KCTD16: variants seen among roughly 807,000 people sequenced by gnomAD.
KCTD16 encodes potassium channel tetramerization domain containing 16.
A neutral mutation model predicts 33.2 loss-of-function variants in KCTD16; 13 were observed. That is an observed-to-expected ratio of 0.39 (90% confidence interval 0.25 to 0.62). KCTD16 has a LOEUF of 0.62. KCTD16 is among the 20% of genes least tolerant of loss of function. KCTD16 has a pLI of 0.50. For missense variants in KCTD16, 441 were observed against 525.1 expected, an observed-to-expected ratio of 0.84 and a Z score of 1.57; for synonymous variants, 197 against 195.3, an observed-to-expected ratio of 1.01 and a Z score of -0.07.
intron 2 of KCTD16, among the ~76,000 whole-genome samples, chr5:144,191,389 C>G (rs10054856): frequency 0.047 from 7,089 of 152,204 alleles, 475 homozygotes; most frequent in African/African-American, 0.15. Flanking sequence ...GCCTTTTGCT[C>G]CAGCCAAACT....
At chr5:144,301,778 A>T (rs1329419978) in intron 3 of KCTD16, among the ~76,000 whole-genome samples, 2 of 152,338 alleles carry the variant, frequency 1.3e-5, no homozygotes, top group African/African-American at 2.4e-5. Context: ...CAGTTTGCCC[A>T]TCCAAAATCT....
chr5:144,352,372 G>T (rs1751466275), intron 3 of KCTD16, among the ~76,000 whole-genome samples: 2 of 152,154 alleles, frequency 1.3e-5, no homozygotes, highest in South Asian at 4.1e-4. Flanking sequence ...ACGAAGTGGG[G>T]ATGTACTGGC....
chr5:144,419,027 C>G (rs943944664), intron 3 of KCTD16, among the ~76,000 whole-genome samples: 2 of 152,136 alleles, frequency 1.3e-5, no homozygotes, highest in African/African-American at 4.8e-5. Context: ...TATCTTGTTT[C>G]TCATTGCTAT....
At chr5:144,352,353 A>G (rs1410801865) in intron 3 of KCTD16, among the ~76,000 whole-genome samples, 2 of 152,188 alleles carry the variant, frequency 1.3e-5, no homozygotes, top group East Asian at 3.8e-4. Flanking sequence ...AGGTTCATTC[A>G]TATTGAATAC....
In KCTD16 at chr5:144,249,731, G is replaced by A. The variant is rs185041346; in HGVS notation, c.832+42185G>A. 1.9e-4 allele frequency among the ~76,000 whole-genome samples: 29 copies of A among 152,216 alleles called. No homozygotes were observed. In the East Asian group the frequency reaches 4.6e-3, roughly 24 times the overall value. On this transcript the variant is annotated intron_variant, in intron 3 of 3. Transcript: ENST00000512467. Reference sequence around the variant, plus strand: ...TAACAATACAAGATCAATAGGTCAGGCTATCCGTATTTTATATATGAAAAT... The same window carrying A: ...TAACAATACAAGATCAATAGGTCAGACTATCCGTATTTTATATATGAAAAT...
intron 3 of KCTD16, among the ~76,000 whole-genome samples, chr5:144,219,147 A>G (rs1459502413): frequency 2.6e-5 from 4 of 152,212 alleles, no homozygotes; most frequent in Admixed American, 1.3e-4. Flanking sequence ...AGCCAAGGTC[A>G]TGCCACCTTG....
In KCTD16 at chr5:144,301,057, A is replaced by G. The variant is rs564775418; in HGVS notation, c.832+93511A>G. On this transcript the variant is annotated intron_variant, in intron 3 of 3. Transcript: ENST00000512467. ...AGAGATCGAGACCATCCAGGCCAAC[A>G]CGGTGAAACCCCGTCTCTACTAAAA... Among the ~76,000 whole-genome samples, 3 of 152,058 alleles carry G rather than the reference A, an allele frequency of 2.0e-5. No homozygotes were observed. The South Asian group carries it at 6.2e-4, about 32-fold the overall frequency.
chr5:144,323,326 G>C (rs528626895), intron 3 of KCTD16, among the ~76,000 whole-genome samples: 1 of 152,144 alleles, frequency 6.6e-6, no homozygotes, highest in South Asian at 2.1e-4. Flanking sequence ...GTAAGTCTGG[G>C]TTCTCCAAGA....
At chr5:144,377,673 T>C (rs1752122917) in intron 3 of KCTD16, 1 of 152,146 alleles carries the variant, frequency 6.6e-6, no homozygotes, top group Admixed American at 6.6e-5. Context: ...TATTTAAAAA[T>C]CCATCAGCCA....
At chr5:144,352,905 A>G (rs1751478006) in intron 3 of KCTD16, among the ~76,000 whole-genome samples, 1 of 152,206 alleles carries the variant, frequency 6.6e-6, no homozygotes, top group Non-Finnish European at 1.5e-5. Context: ...TCACTTCTGA[A>G]GCCAACAAGC....
chr5:144,203,933 T>C (rs1300595474), intron 2 of KCTD16, among the ~76,000 whole-genome samples: 1 of 152,202 alleles, frequency 6.6e-6, no homozygotes, highest in East Asian at 1.9e-4. Context: ...GGGCACTAGA[T>C]GGCGATATAA....
At chr5:144,290,425 C>A (rs1755864185) in intron 3 of KCTD16, among the ~76,000 whole-genome samples, 1 of 152,142 alleles carries the variant, frequency 6.6e-6, no homozygotes, top group South Asian at 2.1e-4. Context: ...TAAAATTATT[C>A]TTTTTGTATT....
chr5:144,178,687 A>C (rs1160487255), intron 2 of KCTD16, among the ~76,000 whole-genome samples: 1 of 152,226 alleles, frequency 6.6e-6, no homozygotes, highest in Non-Finnish European at 1.5e-5. Context: ...CTAAGATGTT[A>C]TTTTGGAAAG....
At chr5:144,202,127 G>T (rs752825218) in intron 2 of KCTD16, among the ~76,000 whole-genome samples, 1 of 152,190 alleles carries the variant, frequency 6.6e-6, no homozygotes, top group Non-Finnish European at 1.5e-5. Flanking sequence ...ACAGGATGGA[G>T]CATTCTTCCT....
intron 3 of KCTD16, among the ~76,000 whole-genome samples, chr5:144,221,701 A>T (rs577581702): frequency 6.6e-6 from 1 of 152,264 alleles, no homozygotes; most frequent in African/African-American, 2.4e-5. Context: ...AGTCTTTGCT[A>T]TTGTGAACGG....
At chr5:144,425,747 G>A (rs895874643) in intron 3 of KCTD16, among the ~76,000 whole-genome samples, 2 of 152,014 alleles carry the variant, frequency 1.3e-5, no homozygotes, top group Admixed American at 1.3e-4. Flanking sequence ...AAGGAACAGA[G>A]TCCCAAGGAA....
At chr5:144,213,569 T>C (rs1753467612) in intron 3 of KCTD16, among the ~76,000 whole-genome samples, 1 of 152,194 alleles carries the variant, frequency 6.6e-6, no homozygotes, top group African/African-American at 2.4e-5. Flanking sequence ...CTTATGTTTT[T>C]GGTAAGCTCG....
Position 144,189,002 on chromosome 5 carries a change from C to A in KCTD16, c.-327+14530C>A, listed in dbSNP as rs556081519. 6.6e-4 allele frequency among the ~76,000 whole-genome samples: 101 copies of A among 152,228 alleles called. 3 individuals carry two copies. The highest frequency in any genetic ancestry group is 2.4e-3 in the African/African-American group (100 of 41,532). ...TCATGTGTAGGGTGTCTAAGTAGCA[C>A]CAGTAATTTGCAAACACATTGATAA... On this transcript the variant is annotated intron_variant, in intron 2 of 3. Coordinates refer to ENST00000512467, the MANE Select transcript of KCTD16 (RefSeq NM_020768.4).
chr5:144,331,910 T>C (rs571517411), intron 3 of KCTD16, among the ~76,000 whole-genome samples: 1 of 152,196 alleles, frequency 6.6e-6, no homozygotes, highest in Admixed American at 6.5e-5. Flanking sequence ...TTATGCTATT[T>C]AGGGTTAAAT....
Sources: allele counts gnomAD v4.1 joint callset (sites outside exome capture counted in the v4.1 genomes callset), GRCh38; gene constraint gnomAD v4.1.1; transcripts MANE v1.5; gene names NCBI Gene and HGNC (gene_info 2026-07-23, HGNC 2026-07-21).